The following ROBO2 variants were observed in gnomAD, a reference collection of about 807,000 sequenced individuals.
ROBO2 encodes the protein roundabout homolog 2.
ROBO2 carries 53 observed loss-of-function variants against 160.8 expected under a neutral mutation model. The ratio of observed to expected loss-of-function variants is 0.33; its 90% confidence interval spans 0.26 to 0.41. The LOEUF (loss-of-function observed/expected upper bound fraction) is 0.41, where lower values mean the gene tolerates loss of function less well. Among genes scored for constraint, ROBO2 ranks in the 10% least tolerant of loss-of-function variants. The pLI is 1.00. For synonymous variants in ROBO2, 664 were observed against 611.7 expected, an observed-to-expected ratio of 1.09 and a Z score of -1.26; for missense variants, 1,577 against 1,722.4, an observed-to-expected ratio of 0.92 and a Z score of 1.49.
chr3:77,033,509 G>A (rs966887345), intron 2 of ROBO2, among the ~76,000 whole-genome samples: 1 of 152,114 alleles, frequency 6.6e-6, no homozygotes, highest in African/African-American at 2.4e-5. Flanking sequence ...GTTTGGTAAA[G>A]AAGGGAGAAA....
chr3:76,517,775 G>C (rs1048722889), intron 2 of ROBO2, among the ~76,000 whole-genome samples: 1 of 152,054 alleles, frequency 6.6e-6, no homozygotes, highest in Non-Finnish European at 1.5e-5. Context: ...CTATATACTT[G>C]AAGTCACTTA....
intron 2 of ROBO2, among the ~76,000 whole-genome samples, chr3:77,144,927 T>C: frequency 6.7e-6 from 1 of 149,588 alleles, no homozygotes; most frequent in Admixed American, 6.6e-5. Context: ...TAGCTACTTC[T>C]CTCATCATTT....
intron 2 of ROBO2, among the ~76,000 whole-genome samples, chr3:76,802,863 C>G (rs932144077): frequency 1.3e-5 from 2 of 152,078 alleles, no homozygotes; most frequent in Non-Finnish European, 2.9e-5. Flanking sequence ...AAATATTTAG[C>G]CATATGCCAC....
intron 2 of ROBO2, among the ~76,000 whole-genome samples, chr3:76,092,807 A>G (rs1404932373): frequency 6.6e-6 from 1 of 152,206 alleles, no homozygotes. Flanking sequence ...TTCTATGACT[A>G]TTTTGATAAT....
intron 2 of ROBO2, among the ~76,000 whole-genome samples, chr3:76,393,523 A>T (rs1360721278): frequency 2.6e-5 from 4 of 152,148 alleles, no homozygotes; most frequent in African/African-American, 9.7e-5. Flanking sequence ...GTTTTTATAA[A>T]CTTTGACCTA....
rs1031688705 is a variant in ROBO2 at position 77,634,796 on chromosome 3, T to G, written c.3761-74T>G. 1.1e-5 allele frequency: 16 copies of G among 1,402,544 alleles called. No homozygotes were observed. The African/African-American group carries it at 2.0e-4, about 17-fold the overall frequency. 86.9% of individuals were successfully genotyped at this position (1,402,544 alleles called of 1,614,324 possible). ...AGGTAGATTTACAGGTTAGTCATAG[T>G]GCAGAAATATAGGACAGAATCAGTG... is the stretch of plus-strand genomic sequence containing the variant. On this transcript the variant is annotated intron_variant, in intron 23 of 25. Coordinates refer to ENST00000461745, the Ensembl canonical transcript of ROBO2.
intron 2 of ROBO2, among the ~76,000 whole-genome samples, chr3:76,932,438 A>C (rs2077408315): frequency 6.6e-6 from 1 of 151,940 alleles, no homozygotes; most frequent in South Asian, 2.1e-4. Context: ...ACACACACAC[A>C]CACATACACG....
chr3:76,701,236 A>G (rs531465170), intron 2 of ROBO2, among the ~76,000 whole-genome samples: 5 of 152,234 alleles, frequency 3.3e-5, no homozygotes, highest in East Asian at 3.9e-4. Flanking sequence ...GAAACCTGTT[A>G]TTTTAATTGT....
chr3:76,707,118 T>G (rs1489569805), intron 2 of ROBO2, among the ~76,000 whole-genome samples: 1 of 152,114 alleles, frequency 6.6e-6, no homozygotes, highest in Non-Finnish European at 1.5e-5. Flanking sequence ...ATAGACTATA[T>G]ATTAATTTTA....
At position 76,036,655 on chromosome 3, in the gene ROBO2, C is replaced by T. The variant is rs1413728612; in HGVS notation, c.109+99053C>T. 7.9e-5 allele frequency among the ~76,000 whole-genome samples: 12 copies of T among 151,546 alleles called. 1 individual carries two copies. Among genetic ancestry groups the T allele is most frequent in the African/African-American group, 2.9e-4 (12 of 41,066 alleles). ...TAGTAGCTGGGATTACAGGCATGCA[C>T]CACCGTACCCAGCTAATTTTGTATT... On this transcript the variant is annotated intron_variant, in intron 2 of 26. Coordinates refer to the ROBO2 transcript ENST00000487694.
intron 2 of ROBO2, among the ~76,000 whole-genome samples, chr3:76,167,097 C>T (rs1170340422): frequency 7.2e-5 from 11 of 152,110 alleles, no homozygotes; most frequent in South Asian, 2.1e-4. Flanking sequence ...TGTGCCACCA[C>T]GCCCGGTTAA....
Position 76,680,184 on chromosome 3 carries a change from T to G in ROBO2, c.110-417830T>G, listed in dbSNP as rs79882632. Among the ~76,000 whole-genome samples, 15 of 152,262 alleles carry G rather than the reference T, an allele frequency of 9.9e-5. No individual in the cohort carries two copies. The East Asian group carries it at 1.7e-3, about 18-fold the overall frequency. On this transcript the variant is annotated intron_variant, in intron 2 of 26. Coordinates refer to the ROBO2 transcript ENST00000487694. ...TGGACTTGAAATTTTATAGGAAACTTGGTGATACTTTCAATATCAACCAAA... is the reference window on the plus strand; with the variant it reads ...TGGACTTGAAATTTTATAGGAAACTGGGTGATACTTTCAATATCAACCAAA...
In ROBO2 at chr3:76,873,084, C is replaced by T. The variant is rs534674880; in HGVS notation, c.110-224930C>T. On this transcript the variant is annotated intron_variant, in intron 2 of 26. Transcript: ENST00000487694. ...AACTCTTACTTGACTAAAAAATAGCCAGGAACTTCTTATTCTTCAGAAGAA... is the reference window on the plus strand; with the variant it reads ...AACTCTTACTTGACTAAAAAATAGCTAGGAACTTCTTATTCTTCAGAAGAA... Among the ~76,000 whole-genome samples, 320 of 152,088 alleles carry T rather than the reference C, an allele frequency of 2.1e-3. 1 individual carries two copies. The highest frequency in any genetic ancestry group is 4.8e-3 in the South Asian group (23 of 4,822).
At chr3:76,348,760 A>T (rs558267931) in intron 2 of ROBO2, among the ~76,000 whole-genome samples, 1 of 152,138 alleles carries the variant, frequency 6.6e-6, no homozygotes, top group South Asian at 2.1e-4. Context: ...GGCAAAGCTC[A>T]ACTGTTCTTT....
chr3:76,416,150 T>A (rs1353410286), intron 2 of ROBO2, among the ~76,000 whole-genome samples: 2 of 152,048 alleles, frequency 1.3e-5, no homozygotes, highest in Non-Finnish European at 2.9e-5. Flanking sequence ...CAGGACATGT[T>A]CTGTGGTTTT....
At chr3:76,549,940 T>G (rs196531) in intron 2 of ROBO2, among the ~76,000 whole-genome samples, 12,114 of 152,260 alleles carry the variant, frequency 0.08, 841 homozygotes, top group African/African-American at 0.19. Flanking sequence ...CCCTTTCTTG[T>G]TTCTCCCTTT....
chr3:76,539,125 A>G (rs900586617), intron 2 of ROBO2, among the ~76,000 whole-genome samples: 23 of 152,166 alleles, frequency 1.5e-4, no homozygotes, highest in African/African-American at 4.8e-4. Flanking sequence ...GTTCTCACTC[A>G]TAAGTGGGAG....
chr3:77,404,167 G>C (rs1371673278), intron 2 of ROBO2, among the ~76,000 whole-genome samples: 2 of 151,998 alleles, frequency 1.3e-5, no homozygotes, highest in African/African-American at 4.8e-5. Context: ...ATAGGGCATG[G>C]GGAAATTATT....
At chr3:76,873,129 C>A (rs1225126102) in intron 2 of ROBO2, among the ~76,000 whole-genome samples, 1 of 152,114 alleles carries the variant, frequency 6.6e-6, no homozygotes, top group African/African-American at 2.4e-5. Flanking sequence ...ACCAAGATTA[C>A]TTTTAGTGCA....
Sources: gnomAD v4.1 joint callset for allele counts (sites outside exome capture counted in the v4.1 genomes callset) on GRCh38, gnomAD v4.1.1 for gene constraint, MANE v1.5 for transcripts, NCBI Gene and HGNC (gene_info 2026-07-23, HGNC 2026-07-21) for gene names.